Variants in NR2F1-AS1 observed in about 807,000 individuals in gnomAD.
NR2F1-AS1 encodes NR2F1 antisense RNA 1.
intron 4 of NR2F1-AS1, among the ~76,000 whole-genome samples, chr5:93,475,262 T>C (rs959245088): frequency 1.3e-5 from 2 of 152,152 alleles, no homozygotes. Flanking sequence ...TTAAAAGCTA[T>C]GGACCTGCAC....
intron 4 of NR2F1-AS1, among the ~76,000 whole-genome samples, chr5:93,526,429 G>C (rs183964488): frequency 1.3e-5 from 2 of 152,262 alleles, no homozygotes; most frequent in African/African-American, 4.8e-5. Context: ...AAGAGGATCT[G>C]GTACCATTCC....
intron 4 of NR2F1-AS1, among the ~76,000 whole-genome samples, chr5:93,450,798 C>A (rs1749809883): frequency 6.6e-6 from 1 of 151,592 alleles, no homozygotes; most frequent in South Asian, 2.1e-4. Context: ...TGCAGTGGCT[C>A]ACGCCTGTAA....
chr5:93,493,256 T>G (rs1349143256), intron 4 of NR2F1-AS1, among the ~76,000 whole-genome samples: 1 of 151,726 alleles, frequency 6.6e-6, no homozygotes, highest in Non-Finnish European at 1.5e-5. Flanking sequence ...ATGAACAAAC[T>G]GAAAAGGAAA....
intron 1 of NR2F1-AS1, among the ~76,000 whole-genome samples, chr5:93,568,881 A>G (rs993129462): frequency 3.3e-5 from 5 of 152,210 alleles, no homozygotes. Context: ...CAGCCATGTA[A>G]ATAAATTTAA....
intron 2 of NR2F1-AS1, among the ~76,000 whole-genome samples, chr5:93,560,218 G>GA (rs1439663018): frequency 6.6e-6 from 1 of 152,064 alleles, no homozygotes; most frequent in African/African-American, 2.4e-5. Context: ...TTATTAAAAG[G>GA]AATGTTTATA....
In NR2F1-AS1 at chr5:93,462,698, G is replaced by T. The variant is rs191685478; in HGVS notation, n.639-67156C>A. Among the ~76,000 whole-genome samples the T allele has an allele frequency of 2.4e-3, 367 of 152,284 alleles. 2 individuals are homozygous for T. Among genetic ancestry groups the T allele is most frequent in the African/African-American group, 8.3e-3 (346 of 41,564 alleles). ...ATATGGACAATGAAATCCAGGCATG[G>T]TCTCAGATGGAGATGAGCAACTTGT... On this transcript the variant is annotated intron_variant and non_coding_transcript_variant, in intron 4 of 5. Transcript: ENST00000660523.
intron 4 of NR2F1-AS1, among the ~76,000 whole-genome samples, chr5:93,447,076 A>G (rs1385814393): frequency 1.3e-5 from 2 of 151,828 alleles, no homozygotes; most frequent in Admixed American, 6.6e-5. Context: ...AGACTTAAAT[A>G]TTAGACCTAA....
At chr5:93,582,179 T>C (rs964366489), upstream of NR2F1-AS1, among the ~76,000 whole-genome samples, 4 of 139,360 alleles carry the variant, frequency 2.9e-5, no homozygotes, top group Non-Finnish European at 3.1e-5. Flanking sequence ...TTGGCCACAC[T>C]AATCTCCCCC....
rs534839239 is a variant in NR2F1-AS1 at position 93,533,407 on chromosome 5, G to C, written n.638+20354C>G. ...AATGCTGTATGCACACAATTTATCA[G>C]GAATATCTACTCTCTGAAATAAGTA... is the stretch of plus-strand genomic sequence containing the variant. On this transcript the variant is annotated intron_variant and non_coding_transcript_variant, in intron 4 of 5. Transcript: ENST00000660523. Among the ~76,000 whole-genome samples, 3 of 152,028 alleles carry C rather than the reference G, an allele frequency of 2.0e-5. No individual in the cohort carries two copies. In the East Asian group the frequency reaches 5.8e-4, roughly 29 times the overall value.
At position 93,450,681 on chromosome 5, in the gene NR2F1-AS1, A is replaced by G. The variant is rs1347540982; in HGVS notation, n.639-55139T>C. Among the ~76,000 whole-genome samples, 43 of 151,902 alleles carry G rather than the reference A, an allele frequency of 2.8e-4. 1 individual carries two copies. Among genetic ancestry groups the G allele is most frequent in the Admixed American group, 2.8e-3 (42 of 15,250 alleles). On this transcript the variant is annotated intron_variant and non_coding_transcript_variant, in intron 4 of 5. Coordinates refer to ENST00000660523, the Ensembl canonical transcript of NR2F1-AS1. Reference sequence around the variant, plus strand: ...GAAAGTGGTTAGGGGTGGTAGTCAAATAAGAGTGGAAAATGCTGAGTTAAA... The same window carrying G: ...GAAAGTGGTTAGGGGTGGTAGTCAAGTAAGAGTGGAAAATGCTGAGTTAAA...
At chr5:93,419,687 C>T (rs1047260442) in intron 4 of NR2F1-AS1, among the ~76,000 whole-genome samples, 1 of 152,166 alleles carries the variant, frequency 6.6e-6, no homozygotes, top group Non-Finnish European at 1.5e-5. Flanking sequence ...AAAGACAGAA[C>T]TTTAAGTTTT....
chr5:93,554,607 TAAG>T (rs958255485), intron 3 of NR2F1-AS1, among the ~76,000 whole-genome samples: 8 of 152,168 alleles, frequency 5.3e-5, no homozygotes, highest in Admixed American at 4.6e-4. Context: ...TAAAAATTAA[TAAG>T]AAGCCATTAA....
At chr5:93,506,941 A>G (rs1157757506) in intron 4 of NR2F1-AS1, among the ~76,000 whole-genome samples, 2 of 152,190 alleles carry the variant, frequency 1.3e-5, no homozygotes, top group Non-Finnish European at 2.9e-5. Flanking sequence ...AGTCAAGCAA[A>G]GTGTGTCCAT....
chr5:93,470,686 C>A (rs1488848460), intron 4 of NR2F1-AS1, among the ~76,000 whole-genome samples: 1 of 151,726 alleles, frequency 6.6e-6, no homozygotes, highest in Non-Finnish European at 1.5e-5. Context: ...TGACACTACT[C>A]ATATAGATGA....
At chr5:93,551,459 A>T (rs1015664816) in intron 4 of NR2F1-AS1, among the ~76,000 whole-genome samples, 5 of 152,116 alleles carry the variant, frequency 3.3e-5, no homozygotes, top group Non-Finnish European at 7.4e-5. Flanking sequence ...AGCCTGACAT[A>T]TTACTAAAGG....
rs537226231 is a variant in NR2F1-AS1 at position 93,439,590 on chromosome 5, G to A, written n.639-44048C>T. 2.0e-4 allele frequency among the ~76,000 whole-genome samples: 30 copies of A among 152,314 alleles called. 1 individual carries two copies. In the South Asian group the frequency reaches 4.6e-3, roughly 23 times the overall value. On this transcript the variant is annotated intron_variant and non_coding_transcript_variant, in intron 4 of 5. Transcript: ENST00000660523. ...ATTACAGGCGTGAGCCACTGCGCCC[G>A]GCCAAGGCTTTTCTTTTAAAATGTC...
intron 4 of NR2F1-AS1, among the ~76,000 whole-genome samples, chr5:93,520,811 A>C (rs1334257910): frequency 6.6e-6 from 1 of 152,192 alleles, no homozygotes; most frequent in African/African-American, 2.4e-5. Context: ...GCTTCTACAT[A>C]TTGCAAGCCT....
intron 4 of NR2F1-AS1, among the ~76,000 whole-genome samples, chr5:93,478,380 C>T (rs1269627741): frequency 6.6e-6 from 1 of 152,006 alleles, no homozygotes; most frequent in Non-Finnish European, 1.5e-5. Flanking sequence ...TACTAAAGGG[C>T]AGGTTTTTTG....
chr5:93,444,158 C>T (rs1580228763), intron 4 of NR2F1-AS1, among the ~76,000 whole-genome samples: 1 of 152,264 alleles, frequency 6.6e-6, no homozygotes, highest in East Asian at 1.9e-4. Flanking sequence ...AGCAAAATAA[C>T]CAGCTAACAT....
Sources: gnomAD v4.1 joint callset for allele counts (sites outside exome capture counted in the v4.1 genomes callset) on GRCh38, gnomAD v4.1.1 for gene constraint, MANE v1.5 for transcripts, NCBI Gene and HGNC (gene_info 2026-07-23, HGNC 2026-07-21) for gene names.